Variants in NBPF19 observed in about 807,000 individuals in gnomAD.
The protein encoded by NBPF19 is NBPF family member NBPF19.
NBPF19 carries 30 observed loss-of-function variants against 45.9 expected under a neutral mutation model. That is an observed-to-expected ratio of 0.65 (90% CI 0.49 to 0.89). The LOEUF (loss-of-function observed/expected upper bound fraction) is 0.89. NBPF19 is among the 40% of genes least tolerant of loss of function. The pLI, the probability that NBPF19 is intolerant of heterozygous loss-of-function variation, is 0.00. For synonymous variants in NBPF19, 183 were observed against 181.2 expected, an observed-to-expected ratio of 1.01 and a Z score of -0.08; for missense variants, 495 against 471.8, an observed-to-expected ratio of 1.05 and a Z score of -0.46.
intron 9 of NBPF19, among the ~76,000 whole-genome samples, chr1:149,487,786 T>C (rs1372694087): frequency 7.0e-6 from 1 of 143,862 alleles, no homozygotes; most frequent in Non-Finnish European, 1.5e-5. Context: ...TGTGTGTGTG[T>C]GTGTGTGTGT....
Position 149,555,134 on chromosome 1 carries a change from C to T in NBPF19, c.*396C>T, listed in dbSNP as rs1421609574. 4 of 267,502 alleles carry T rather than the reference C, an allele frequency of 1.5e-5. No homozygotes were observed. Among genetic ancestry groups the T allele is most frequent in the African/African-American group, 6.7e-5 (3 of 44,670 alleles). The allele number at this position is 267,502 out of a possible 1,614,324, so 16.6% of individuals were successfully genotyped here. A position where few individuals can be genotyped will look rare whatever the true frequency, so the allele number is the denominator to read the frequency against. The stretch of plus-strand genomic sequence containing the variant: ...AGGTGTTACCCTGGTTTCAATGAAC[C>T]TAACCTCATTCTTTGTGTCTTCAGT... On this transcript the variant is annotated 3_prime_UTR_variant, in exon 94 of 94. Coordinates refer to ENST00000651566, the MANE Select transcript of NBPF19 (RefSeq NM_001351365.2).
chr1:149,516,333 GTCTC>G (rs1448648664), intron 45 of NBPF19, among the ~76,000 whole-genome samples: 3 of 115,218 alleles, frequency 2.6e-5, no homozygotes, highest in Non-Finnish European at 3.8e-5. Context: ...CTCTGTCTCT[GTCTC>G]TCTCTCTGTC....
chr1:149,490,898 C>CTGTGTG (rs1199452636), intron 13 of NBPF19, among the ~76,000 whole-genome samples: 3 of 124,710 alleles, frequency 2.4e-5, no homozygotes, highest in African/African-American at 9.5e-5. Context: ...CTCTCTCTCT[C>CTGTGTG]TGTGTGTGTG....
Position 149,554,637 on chromosome 1 carries a change from G to A in NBPF19, c.11431G>A (p.Glu3811Lys). The change falls in exon 94 of 94, where the codon GAG becomes AAG. Residue 3811 changes from glutamate to lysine, a missense_variant. This residue lies in a region of NBPF19 where 248 missense variants were observed against 95.4 expected (regional missense o/e 2.60). Transcript: ENST00000651566. ...AAGTGTGTTTTACTCATTTGAGGAA[G>A]AGCATATCAGCTTCGCCCTTTACTT... is the stretch of plus-strand genomic sequence containing the variant. ...YRSVFYSFEE[E>K]HISFALYLDN... 6.8e-6 allele frequency: 11 copies of A among 1,608,370 alleles called. 1 individual carries two copies. Among genetic ancestry groups the A allele is most frequent in the East Asian group, 2.2e-5 (1 of 44,850 alleles).
At chr1:149,483,545 T>G (rs1474661481) in intron 7 of NBPF19, among the ~76,000 whole-genome samples, 4 of 148,766 alleles carry the variant, frequency 2.7e-5, no homozygotes, top group East Asian at 3.9e-4. Context: ...AGGTTAATAT[T>G]GTTATGTGTG....
In NBPF19 at chr1:149,477,927, G is replaced by A. The variant is rs1368889062; in HGVS notation, c.176-18G>A. ...TGTCCAGCCTTCCACTGAGGCAGGCGTGTCTGTCTTTTCTCAGAGTATGAA... is the reference window on the plus strand; with the variant it reads ...TGTCCAGCCTTCCACTGAGGCAGGCATGTCTGTCTTTTCTCAGAGTATGAA... On this transcript the variant is annotated intron_variant, in intron 2 of 93. Coordinates refer to ENST00000651566, the MANE Select transcript of NBPF19 (RefSeq NM_001351365.2). 81 of 1,219,770 alleles carry A rather than the reference G, an allele frequency of 6.6e-5. 3 individuals carry two copies. The highest frequency in any genetic ancestry group is 3.6e-4 in the South Asian group (30 of 83,616). The allele number at this position is 1,219,770 out of a possible 1,614,324, so 75.6% of individuals were successfully genotyped here. A position where few individuals can be genotyped will look rare whatever the true frequency, so the allele number is the denominator to read the frequency against.
intron 9 of NBPF19, 77 bp downstream of exon 9, chr1:149,487,460 C>T (rs1177676443): frequency 0.052 from 50,052 of 956,184 alleles, 2,839 homozygotes; most frequent in South Asian, 0.068. Context: ...ACAGTACATG[C>T]TGAAAATAAT....
chr1:149,475,225 A>G lies in NBPF19; in HGVS notation c.-606A>G, dbSNP rs1349700573. Among the ~76,000 whole-genome samples, 27 of 150,604 alleles carry G rather than the reference A, an allele frequency of 1.8e-4. No homozygotes were observed. The highest frequency in any genetic ancestry group is 3.7e-4 in the Non-Finnish European group (25 of 67,432). On this transcript the variant is annotated 5_prime_UTR_variant, in exon 1 of 94. It adds an upstream start codon to the 5' untranslated region. Transcript: ENST00000651566. ...ATTATTCATTCACTTTCTAGTGGAT[A>G]CAGAAAAAACTGCAGAAGACCCAGA...
chr1:149,477,768 A>G (rs1347050613), intron 2 of NBPF19, among the ~76,000 whole-genome samples, 177 bp from the exon 3 acceptor site: 1 of 151,174 alleles, frequency 6.6e-6, no homozygotes, highest in Non-Finnish European at 1.5e-5. Context: ...TAAATTTTGG[A>G]GGATCAGATG....
intron 2 of NBPF19, among the ~76,000 whole-genome samples, chr1:149,477,221 A>C (rs1196690603): frequency 4.0e-5 from 6 of 150,932 alleles, no homozygotes; most frequent in South Asian, 2.1e-4. Context: ...AATGAATTAC[A>C]TGAGGTATTT....
At chr1:149,487,765 T>A (rs2085667584) in intron 9 of NBPF19, among the ~76,000 whole-genome samples, 1 of 145,448 alleles carries the variant, frequency 6.9e-6, no homozygotes, top group Non-Finnish European at 1.5e-5. Flanking sequence ...ACCAATTGAC[T>A]GAGCTCGCTC....
chr1:149,486,004 A>T, intron 7 of NBPF19, 126 bp from the exon 8 acceptor site: 1 of 175,342 alleles, frequency 5.7e-6, no homozygotes. Flanking sequence ...ATTTCTCTTG[A>T]AGGAAAAATG....
At chr1:149,487,803 G>GTGTGTGTGTGTT (rs1238985318) in intron 9 of NBPF19, among the ~76,000 whole-genome samples, 2 of 149,018 alleles carry the variant, frequency 1.3e-5, no homozygotes, top group African/African-American at 2.5e-5. Context: ...GTGTGTGTGT[G>GTGTGTGTGTGTT]TGTGTGTGTG....
At chr1:149,521,098 G>GTCTCTC (rs1389969296) in intron 51 of NBPF19, among the ~76,000 whole-genome samples, 1 of 80,448 alleles carries the variant, frequency 1.2e-5, no homozygotes, top group South Asian at 3.4e-4. Context: ...CTCTCTCTCT[G>GTCTCTC]TCTCTGTCTC....
Position 149,554,884 on chromosome 1 carries a change from C to T in NBPF19, c.*146C>T. 4 of 1,422,292 alleles carry T rather than the reference C, an allele frequency of 2.8e-6. No individual in the cohort carries two copies. Among genetic ancestry groups the T allele is most frequent in the Admixed American group, 2.0e-5 (1 of 49,474 alleles). The allele number at this position is 1,422,292 out of a possible 1,614,324, so 88.1% of individuals were successfully genotyped here. On this transcript the variant is annotated 3_prime_UTR_variant, in exon 94 of 94. Coordinates refer to ENST00000651566, the MANE Select transcript of NBPF19 (RefSeq NM_001351365.2). Reference sequence around the variant, plus strand: ...GCTCTTTTCCTATTCTCAAACCATGCCAGTGGCAACCTGTGCTCAGTCTGA... The same window carrying T: ...GCTCTTTTCCTATTCTCAAACCATGTCAGTGGCAACCTGTGCTCAGTCTGA...
At position 149,494,364 on chromosome 1, in the gene NBPF19, G is replaced by GTT; in HGVS notation, c.2044_2045insTT (p.Asp682ValfsTer20). The GTT allele has an allele frequency of 3.1e-6, 1 of 326,246 alleles. No individual in the cohort carries two copies. The highest frequency in any genetic ancestry group is 5.2e-6 in the Non-Finnish European group (1 of 193,636). The allele number at this position is 326,246 out of a possible 1,614,324, so 20.2% of individuals were successfully genotyped here. Reference sequence around the variant, plus strand: ...TGAGAAAGAGCCTGAAGTCTTGCAGGACTCACTGGATAGATGTTATTCGAT... The same window carrying GTT: ...TGAGAAAGAGCCTGAAGTCTTGCAGGTTACTCACTGGATAGATGTTATTCGAT... On this transcript the variant is annotated frameshift_variant, in exon 18 of 94. Transcript: ENST00000651566. LOFTEE classifies it high-confidence loss of function.
At chr1:149,479,583 A>T (rs2085049358) in intron 4 of NBPF19, among the ~76,000 whole-genome samples, 1 of 147,646 alleles carries the variant, frequency 6.8e-6, no homozygotes, top group Non-Finnish European at 1.5e-5. Context: ...TCAAAATGAG[A>T]TGAAGCCCCT....
Sources: allele counts gnomAD v4.1 joint callset (sites outside exome capture counted in the v4.1 genomes callset), GRCh38; gene constraint gnomAD v4.1.1; regional missense constraint gnomAD v4.1.1; transcripts MANE v1.5; gene names NCBI Gene and HGNC (gene_info 2026-07-23, HGNC 2026-07-21).